The following CFAP47 variants were observed in gnomAD, a reference collection of about 807,000 sequenced individuals.
CFAP47 encodes the protein cilia- and flagella-associated protein 47.
Under a neutral mutation model 148.1 loss-of-function variants are expected in CFAP47, and 29 were observed. The ratio of observed to expected loss-of-function variants is 0.20; its 90% CI spans 0.15 to 0.27. CFAP47 has a LOEUF of 0.27. Ranked by LOEUF, CFAP47 falls within the 10% of genes least tolerant of loss-of-function variation. The pLI is 1.00. For synonymous variants in CFAP47, 664 were observed against 577.3 expected, an observed-to-expected ratio of 1.15 and a Z score of -2.15; for missense variants, 1,872 against 1,697.5, an observed-to-expected ratio of 1.10 and a Z score of -1.81.
At chrX:36,149,022 C>A in intron 36 of CFAP47, 86 bp from the exon 37 acceptor site, 2 of 235,557 alleles carry the variant, frequency 8.5e-6, no homozygotes, top group Non-Finnish European at 1.5e-5. Flanking sequence ...AAATCTATTG[C>A]TATCTTTGAT....
At chrX:36,019,919 A>T in intron 22 of CFAP47, among the ~76,000 whole-genome samples, 1 of 111,015 alleles carries the variant, frequency 9.0e-6, no homozygotes, top group African/African-American at 3.3e-5. Context: ...TACTCTCTTC[A>T]TTTCATTTTT....
chrX:35,936,843 C>T (rs1935921493), intron 2 of CFAP47, among the ~76,000 whole-genome samples: 1 of 109,539 alleles, frequency 9.1e-6, no homozygotes, highest in African/African-American at 3.3e-5. Flanking sequence ...TTTTTTTTCC[C>T]AGGCCTGGCT....
intron 62 of CFAP47, chrX:36,367,954 G>A (rs997199208): frequency 2.7e-5 from 3 of 111,756 alleles, no homozygotes; most frequent in East Asian, 2.8e-4. Flanking sequence ...TCCATTTCTC[G>A]AGGGCTGAAA....
chrX:35,986,675 A>G (rs1357922171), intron 15 of CFAP47, among the ~76,000 whole-genome samples: 1 of 110,487 alleles, frequency 9.1e-6, no homozygotes, highest in Non-Finnish European at 1.9e-5. Flanking sequence ...GATACTTTGG[A>G]GGAGAAGAGG....
chrX:36,125,772 A>G (rs1302513249), intron 33 of CFAP47, among the ~76,000 whole-genome samples: 8 of 111,414 alleles, frequency 7.2e-5, no homozygotes, highest in African/African-American at 2.6e-4. Context: ...AGCAACTATC[A>G]TATTCCATAA....
intron 39 of CFAP47, among the ~76,000 whole-genome samples, chrX:36,174,710 C>T (rs1395586964): frequency 6.6e-4 from 73 of 111,096 alleles, no homozygotes; most frequent in African/African-American, 2.3e-3. Context: ...GTAACCCGAC[C>T]TTTCTCTCTG....
chrX:36,190,429 C>T lies in CFAP47; in HGVS notation c.6321+233C>T, dbSNP rs191782972. 2.5e-3 allele frequency among the ~76,000 whole-genome samples: 287 copies of T among 112,637 alleles called. 1 individual carries two copies. The highest frequency in any genetic ancestry group is 8.5e-3 in the African/African-American group (265 of 31,082). On this transcript the variant is annotated intron_variant, in intron 42 of 63. Transcript: ENST00000378653. Reference sequence around the variant, plus strand: ...TGGGAGCAGAGTGACCTTTTTGTGGCTCTATTTGTATTAGTTATCCATAGC... The same window carrying T: ...TGGGAGCAGAGTGACCTTTTTGTGGTTCTATTTGTATTAGTTATCCATAGC...
intron 29 of CFAP47, among the ~76,000 whole-genome samples, chrX:36,075,551 CT>C (rs1213197224): frequency 2.7e-5 from 3 of 111,946 alleles, no homozygotes; most frequent in Non-Finnish European, 3.8e-5. Context: ...ATAATTTCAA[CT>C]TTTATTTTAG....
At chrX:36,337,454 G>A (rs1315321706) in intron 57 of CFAP47, among the ~76,000 whole-genome samples, 6 of 111,810 alleles carry the variant, frequency 5.4e-5, no homozygotes, top group Non-Finnish European at 9.4e-5. Context: ...ATAGATGGTA[G>A]AGAGAAAGGG....
intron 51 of CFAP47, among the ~76,000 whole-genome samples, chrX:36,288,775 G>A (rs1327732992): frequency 3.6e-5 from 4 of 111,096 alleles, no homozygotes; most frequent in African/African-American, 6.5e-5. Context: ...GCTTATGCCT[G>A]TAATCCCAGC....
chrX:36,135,549 A>C (rs1242556104), intron 33 of CFAP47, among the ~76,000 whole-genome samples: 2 of 111,754 alleles, frequency 1.8e-5, no homozygotes, highest in Admixed American at 9.5e-5. Flanking sequence ...AAGACCCCAC[A>C]AGACTACATA....
At chrX:36,090,380 T>G (rs1426516304) in intron 30 of CFAP47, among the ~76,000 whole-genome samples, 2 of 112,012 alleles carry the variant, frequency 1.8e-5, no homozygotes, top group African/African-American at 6.5e-5. Context: ...ATGCATATAA[T>G]GGAAATCAAA....
intron 13 of CFAP47, among the ~76,000 whole-genome samples, chrX:35,972,912 C>T (rs1936515622): frequency 9.0e-6 from 1 of 111,362 alleles, no homozygotes; most frequent in African/African-American, 3.3e-5. Flanking sequence ...AAAAAACCCT[C>T]TAAAATGTTT....
intron 49 of CFAP47, among the ~76,000 whole-genome samples, chrX:36,257,362 G>A (rs1342860342): frequency 9.0e-6 from 1 of 110,988 alleles, no homozygotes; most frequent in Non-Finnish European, 1.9e-5. Flanking sequence ...ATCATGGCCT[G>A]GTGGCCTAAA....
intron 49 of CFAP47, among the ~76,000 whole-genome samples, chrX:36,265,766 G>A (rs1303142474): frequency 2.7e-5 from 3 of 111,719 alleles, no homozygotes; most frequent in Non-Finnish European, 5.6e-5. Flanking sequence ...TTTTTGGGGG[G>A]TAAAAAGATA....
intron 22 of CFAP47, among the ~76,000 whole-genome samples, chrX:36,021,578 C>T (rs1158145752): frequency 1.8e-5 from 2 of 111,291 alleles, no homozygotes; most frequent in Non-Finnish European, 3.8e-5. Flanking sequence ...TATACATGTG[C>T]CATGGTGGTT....
At chrX:36,359,975 G>T (rs868963258) in intron 60 of CFAP47, among the ~76,000 whole-genome samples, 1 of 110,565 alleles carries the variant, frequency 9.0e-6, no homozygotes, top group Non-Finnish European at 1.9e-5. Flanking sequence ...GGATGGTCTC[G>T]ATCTCCTGAC....
intron 57 of CFAP47, among the ~76,000 whole-genome samples, chrX:36,329,974 T>C (rs1374979964): frequency 8.9e-6 from 1 of 112,341 alleles, no homozygotes. Flanking sequence ...ATTCTTATAT[T>C]TTTGAAAATG....
intron 53 of CFAP47, among the ~76,000 whole-genome samples, chrX:36,303,578 T>C (rs1941319620): frequency 9.1e-6 from 1 of 110,447 alleles, no homozygotes. Context: ...TATGGCCATC[T>C]TCTGTGTATC....
Sources: allele counts gnomAD v4.1 joint callset (sites outside exome capture counted in the v4.1 genomes callset), GRCh38; gene constraint gnomAD v4.1.1; transcripts MANE v1.5; gene names NCBI Gene and HGNC (gene_info 2026-07-23, HGNC 2026-07-21).